Variants in SLC12A8 observed in about 807,000 individuals in gnomAD.
The protein encoded by SLC12A8 is solute carrier family 12 member 8.
SLC12A8 carries 69 observed loss-of-function variants against 75.6 expected under a neutral mutation model. That is an observed-to-expected ratio of 0.91 (90% CI 0.75 to 1.11). SLC12A8 has a LOEUF of 1.11. Among genes scored for constraint, SLC12A8 ranks in the 50% most tolerant of loss-of-function variants. The pLI is 0.00. For missense variants in SLC12A8, 877 were observed against 896.7 expected, an observed-to-expected ratio of 0.98 and a Z score of 0.28; for synonymous variants, 365 against 372.8, an observed-to-expected ratio of 0.98 and a Z score of 0.24.
chr3:125,141,359 G>A (rs1223113878), intron 5 of SLC12A8, among the ~76,000 whole-genome samples: 2 of 152,204 alleles, frequency 1.3e-5, no homozygotes, highest in Non-Finnish European at 2.9e-5. Context: ...GCTCCCAAGG[G>A]GTGCTCGTGG....
rs550375229 is a variant in SLC12A8, at chr3:125,088,338, T to A, written c.1954A>T (p.Met652Leu). 5.0e-6 allele frequency: 8 copies of A among 1,614,148 alleles called. No individual in the cohort carries two copies. Among genetic ancestry groups the A allele is most frequent in the Non-Finnish European group, 6.8e-6 (8 of 1,180,024 alleles). Residue 652 changes from methionine to leucine, a missense_variant, in exon 13 of 14, where the codon ATG becomes TTG. Transcript: ENST00000469902. ...SASNFSFFRW[M>L]RSLLLPSCRS... ...CAGGAGGGGAGCAAGAGAGACCTCA[T>A]CCACCGGAAAAAGCTGAAGTTGGAG...
chr3:125,084,820 TC>T (rs1938418926), intron 13 of SLC12A8, among the ~76,000 whole-genome samples: 1 of 152,218 alleles, frequency 6.6e-6, no homozygotes, highest in African/African-American at 2.4e-5. Context: ...TTTCTCATCT[TC>T]CCGGGTCTCT....
At chr3:125,116,598 C>T (rs1042414250) in intron 8 of SLC12A8, among the ~76,000 whole-genome samples, 3 of 152,168 alleles carry the variant, frequency 2.0e-5, no homozygotes, top group Admixed American at 6.5e-5. Flanking sequence ...TGTGGCCTTC[C>T]TTAGATACAA....
intron 2 of SLC12A8, among the ~76,000 whole-genome samples, chr3:125,199,820 G>A (rs551414792): frequency 6.6e-6 from 1 of 152,024 alleles, no homozygotes; most frequent in African/African-American, 2.4e-5. Flanking sequence ...GAAAAAAATG[G>A]TATAAACCTT....
At chr3:125,181,874 A>G (rs1934671354) in intron 4 of SLC12A8, among the ~76,000 whole-genome samples, 1 of 152,108 alleles carries the variant, frequency 6.6e-6, no homozygotes, top group African/African-American at 2.4e-5. Flanking sequence ...AAAAAACTAC[A>G]TATACAGAGG....
intron 2 of SLC12A8, among the ~76,000 whole-genome samples, chr3:125,208,001 GT>G (rs1215861464): frequency 2.0e-5 from 3 of 152,200 alleles, no homozygotes; most frequent in African/African-American, 7.2e-5. Context: ...CCATCACATA[GT>G]TGTGGAAATA....
chr3:125,110,243 C>G lies in SLC12A8; in HGVS notation c.1005G>C (p.Leu335=). Residue 335 remains leucine, a synonymous_variant, in exon 9 of 14, where the codon CTG becomes CTC. Coordinates refer to ENST00000469902, the MANE Select transcript of SLC12A8 (RefSeq NM_024628.6). ...MGGLYGAPRI[L]QCIAQEKVIP... is the part of the protein sequence containing the mutation. ...TCACTTTCTCCTGGGCAATGCACTG[C>G]AGGATGCGGGGAGCTCCATAAAGTC... is the stretch of plus-strand genomic sequence containing the variant. The G allele has an allele frequency of 6.2e-7, 1 of 1,614,084 alleles. No individual in the cohort carries two copies. The highest frequency in any genetic ancestry group is 8.5e-7 in the Non-Finnish European group (1 of 1,179,948).
intron 13 of SLC12A8, among the ~76,000 whole-genome samples, chr3:125,085,356 A>G (rs533808531): frequency 1.4e-4 from 22 of 152,316 alleles, no homozygotes; most frequent in Admixed American, 1.2e-3. Context: ...GTGCTTCAAG[A>G]AAGAAAGCCT....
chr3:125,187,671 G>A (rs1377978873), intron 3 of SLC12A8, among the ~76,000 whole-genome samples: 1 of 152,092 alleles, frequency 6.6e-6, no homozygotes, highest in Non-Finnish European at 1.5e-5. Context: ...CCACCTATAG[G>A]GTACAGTCAG....
chr3:125,138,301 T>G (rs1322807985), intron 5 of SLC12A8, among the ~76,000 whole-genome samples: 1 of 152,150 alleles, frequency 6.6e-6, no homozygotes, highest in Non-Finnish European at 1.5e-5. Flanking sequence ...CTCTGGAGGC[T>G]GAGGCGAGAG....
chr3:125,111,381 G>A (rs1939183048), intron 8 of SLC12A8, among the ~76,000 whole-genome samples: 2 of 152,126 alleles, frequency 1.3e-5, no homozygotes, highest in Admixed American at 6.6e-5. Context: ...GGGCTGGGTG[G>A]CTGCATGACT....
rs545985837 is a variant in SLC12A8 at position 125,154,538 on chromosome 3, T to C, written c.623-18756A>G. 5.9e-5 allele frequency among the ~76,000 whole-genome samples: 9 copies of C among 152,306 alleles called. No homozygotes were observed. The South Asian group carries it at 1.2e-3, about 21-fold the overall frequency. On this transcript the variant is annotated intron_variant, in intron 5 of 13. Coordinates refer to ENST00000469902, the MANE Select transcript of SLC12A8 (RefSeq NM_024628.6). ...AGTATAGCACCTGGCACAAACAGAATGCTCAATAAACATTAGCTATTACAG... is the reference window on the plus strand; with the variant it reads ...AGTATAGCACCTGGCACAAACAGAACGCTCAATAAACATTAGCTATTACAG...
At chr3:125,094,093 G>A (rs111740902) in intron 10 of SLC12A8, among the ~76,000 whole-genome samples, 94 of 152,114 alleles carry the variant, frequency 6.2e-4, no homozygotes, top group African/African-American at 2.0e-3. Flanking sequence ...CTGCACTTGC[G>A]GTGTGTCATT....
At chr3:125,124,859 A>G (rs952204885) in intron 6 of SLC12A8, among the ~76,000 whole-genome samples, 1 of 152,228 alleles carries the variant, frequency 6.6e-6, no homozygotes, top group Non-Finnish European at 1.5e-5. Context: ...ATTTTAAAAC[A>G]CTATCATTAA....
At chr3:125,205,205 C>G (rs985815093) in intron 2 of SLC12A8, among the ~76,000 whole-genome samples, 1 of 152,216 alleles carries the variant, frequency 6.6e-6, no homozygotes, top group Non-Finnish European at 1.5e-5. Context: ...ACCCTCACTC[C>G]TGTCTTCAGC....
intron 8 of SLC12A8, among the ~76,000 whole-genome samples, chr3:125,115,846 T>A (rs1257401000): frequency 6.6e-6 from 1 of 152,078 alleles, no homozygotes. Context: ...AGAGGCCTTT[T>A]TTCAGGCCCA....
chr3:125,085,480 G>T (rs1579457455), intron 13 of SLC12A8, among the ~76,000 whole-genome samples: 1 of 152,198 alleles, frequency 6.6e-6, no homozygotes, highest in East Asian at 1.9e-4. Flanking sequence ...TTCTTCTTAG[G>T]TTTTGAAGAG....
At chr3:125,118,292 C>G (rs1939361881) in intron 8 of SLC12A8, among the ~76,000 whole-genome samples, 1 of 152,322 alleles carries the variant, frequency 6.6e-6, no homozygotes, top group East Asian at 1.9e-4. Flanking sequence ...CATCATGTCT[C>G]TTCCCCACCA....
chr3:125,105,074 TA>T (rs59393574), intron 10 of SLC12A8, among the ~76,000 whole-genome samples: 36 of 148,984 alleles, frequency 2.4e-4, no homozygotes, highest in African/African-American at 8.1e-4. Context: ...ACCAACACTT[TA>T]AAAAAAAAAT....
Sources: allele counts gnomAD v4.1 joint callset (sites outside exome capture counted in the v4.1 genomes callset), GRCh38; gene constraint gnomAD v4.1.1; transcripts MANE v1.5; gene names NCBI Gene and HGNC (gene_info 2026-07-23, HGNC 2026-07-21).